The following ENPEP variants were observed in gnomAD, a reference collection of about 807,000 sequenced individuals.
ENPEP encodes the protein glutamyl aminopeptidase.
In ENPEP, 103 loss-of-function variants were observed where a neutral mutation model predicts 114.5. That is an observed-to-expected ratio of 0.90 (90% CI 0.77 to 1.06). The LOEUF is 1.06. Ranked by LOEUF, ENPEP falls within the 50% of genes least tolerant of loss-of-function variation. The pLI is 0.00. For synonymous variants in ENPEP, 420 were observed against 422.0 expected, an observed-to-expected ratio of 1.00 and a Z score of 0.06; for missense variants, 1,196 against 1,161.3, an observed-to-expected ratio of 1.03 and a Z score of -0.43.
At chr4:110,515,896 G>A (rs887111543) in intron 8 of ENPEP, 11 of 440,660 alleles carry the variant, frequency 2.5e-5, no homozygotes, top group Admixed American at 4.8e-5. Flanking sequence ...GAGAGAGAGA[G>A]AGGGAGAGAG....
chr4:110,499,387 T>G (rs1361110241), intron 3 of ENPEP, among the ~76,000 whole-genome samples: 1 of 152,230 alleles, frequency 6.6e-6, no homozygotes, highest in Non-Finnish European at 1.5e-5. Context: ...CAGCATGATA[T>G]GTGAAAACAA....
chr4:110,502,858 C>A (rs1560555924), intron 3 of ENPEP, among the ~76,000 whole-genome samples: 1 of 151,972 alleles, frequency 6.6e-6, no homozygotes, highest in Admixed American at 6.6e-5. Context: ...TTGCTTTGGG[C>A]AGTATGGCCA....
In ENPEP at chr4:110,476,689, G is replaced by T; in HGVS notation, c.275G>T (p.Arg92Leu). Residue 92 changes from arginine (R) to leucine (L), a missense_variant, in exon 1 of 20, where the codon CGA (arginine) becomes CTA (leucine). By Grantham distance (102) the Arg-to-Leu change is moderately radical. Coordinates refer to ENST00000265162, the MANE Select transcript of ENPEP (RefSeq NM_001977.4). ...GAGAGCGGACAGTGGAAAAACTTTC[G>T]ACTGCCGGACTTCGTCAACCCAGTC... Reference protein sequence around the residue: ...EDESGQWKNFRLPDFVNPVHY... With the variant: ...EDESGQWKNFLLPDFVNPVHY... 1 of 1,613,778 alleles carries T rather than the reference G, an allele frequency of 6.2e-7. No homozygotes were observed.
At chr4:110,527,350 TG>T (rs1726235590) in intron 10 of ENPEP, among the ~76,000 whole-genome samples, 1 of 152,048 alleles carries the variant, frequency 6.6e-6, no homozygotes, top group Admixed American at 6.6e-5. Context: ...TCAGAGAAAC[TG>T]GGTATCCTGC....
chr4:110,510,126 C>T, intron 5 of ENPEP, 119 bp from the exon 6 acceptor site: 1 of 805,038 alleles, frequency 1.2e-6, no homozygotes, highest in Non-Finnish European at 2.0e-6. Flanking sequence ...AAGTACAATG[C>T]CTGCCACTTC....
In ENPEP at chr4:110,561,455, C is replaced by T; in HGVS notation, c.2771C>T (p.Pro924Leu). ...KYPQAGAGEK[P>L]REQVLETVKN... ...CCACAAGCTGGAGCAGGAGAAAAAC[C>T]TAGGGAACAAGTGCTGGAAACAGTG... The change falls in exon 20 of 20, where the codon CCT (proline) becomes CTT (leucine). Residue 924 changes from proline (P) to leucine (L), a missense_variant. Coordinates refer to ENST00000265162, the MANE Select transcript of ENPEP (RefSeq NM_001977.4). 4 of 1,613,960 alleles carry T rather than the reference C, an allele frequency of 2.5e-6. No individual in the cohort carries two copies. The highest frequency in any genetic ancestry group is 3.4e-6 in the Non-Finnish European group (4 of 1,179,944).
At chr4:110,485,047 T>C (rs1358885719) in intron 1 of ENPEP, among the ~76,000 whole-genome samples, 1 of 152,074 alleles carries the variant, frequency 6.6e-6, no homozygotes, top group African/African-American at 2.4e-5. Context: ...CTGGAAGACA[T>C]CAGAAGTCAG....
Position 110,513,400 on chromosome 4 carries a change from A to G in ENPEP, c.1309-15A>G. On this transcript the variant is annotated splice_polypyrimidine_tract_variant and intron_variant, in intron 6 of 19. Transcript: ENST00000265162. Reference sequence around the variant, plus strand: ...AGGAAATACTATATTCCTTTGGCTCATTCTTTCATTTCAGCGTGACCAAAT... The same window carrying G: ...AGGAAATACTATATTCCTTTGGCTCGTTCTTTCATTTCAGCGTGACCAAAT... The G allele has an allele frequency of 6.2e-7, 1 of 1,610,148 alleles. No homozygotes were observed. Among genetic ancestry groups the G allele is most frequent in the South Asian group, 1.1e-5 (1 of 90,026 alleles).
At chr4:110,538,323 C>A (rs1726720088) in intron 11 of ENPEP, among the ~76,000 whole-genome samples, 1 of 152,194 alleles carries the variant, frequency 6.6e-6, no homozygotes, top group South Asian at 2.1e-4. Context: ...ACTTCTATAT[C>A]AACACTTGCT....
intron 3 of ENPEP, among the ~76,000 whole-genome samples, chr4:110,497,383 T>C (rs1324141918): frequency 6.6e-6 from 1 of 152,138 alleles, no homozygotes; most frequent in Admixed American, 6.5e-5. Flanking sequence ...CTGTTTAATT[T>C]AGTAAGCCAC....
At chr4:110,485,030 C>T (rs1422714969) in intron 1 of ENPEP, among the ~76,000 whole-genome samples, 4 of 152,070 alleles carry the variant, frequency 2.6e-5, no homozygotes, top group African/African-American at 9.7e-5. Flanking sequence ...TTCCTTTTCC[C>T]CTGCCTCTGG....
At chr4:110,496,900 G>C (rs930180449) in intron 3 of ENPEP, among the ~76,000 whole-genome samples, 1 of 152,188 alleles carries the variant, frequency 6.6e-6, no homozygotes, top group African/African-American at 2.4e-5. Context: ...CTCTGCTTCA[G>C]TTTACTAGTT....
intron 4 of ENPEP, among the ~76,000 whole-genome samples, chr4:110,508,738 G>A (rs567407393): frequency 1.3e-5 from 2 of 152,230 alleles, no homozygotes; most frequent in South Asian, 2.1e-4. Flanking sequence ...GTGAACCCAG[G>A]AGGCAGAGCT....
chr4:110,519,861 A>G (rs1725916025), intron 8 of ENPEP, 147 bp from the exon 9 acceptor site: 1 of 605,610 alleles, frequency 1.7e-6, no homozygotes, highest in Admixed American at 3.0e-5. Flanking sequence ...TATCAATGCA[A>G]CAGCCGTGCT....
rs34949711 is a variant in ENPEP, at chr4:110,513,416, G to A, written c.1310G>A (p.Arg437His). ...VNHAETDWQM[R>H]DQMLLEDVLP... ...CTTTGGCTCATTCTTTCATTTCAGCGTGACCAAATGTTACTTGAAGATGTA... is the reference window on the plus strand; with the variant it reads ...CTTTGGCTCATTCTTTCATTTCAGCATGACCAAATGTTACTTGAAGATGTA... Residue 437 changes from arginine to histidine, a missense_variant and splice_region_variant, in exon 7 of 20, where the codon CGT (arginine) becomes CAT (histidine). Coordinates refer to ENST00000265162, the MANE Select transcript of ENPEP (RefSeq NM_001977.4). The A allele has an allele frequency of 3.6e-3, 5,826 of 1,609,350 alleles. 19 individuals carry two copies. The highest frequency in any genetic ancestry group is 4.2e-3 in the Non-Finnish European group (4,941 of 1,177,888).
At chr4:110,545,033 A>C (rs763918086) in intron 13 of ENPEP, among the ~76,000 whole-genome samples, 1 of 152,122 alleles carries the variant, frequency 6.6e-6, no homozygotes, top group Non-Finnish European at 1.5e-5. Flanking sequence ...AAACAGATTC[A>C]ACGAGCATTG....
rs771608560 is a variant in ENPEP, at chr4:110,476,995, G to T, written c.581G>T (p.Gly194Val). Residue 194 changes from glycine (G) to valine (V), a missense_variant, in exon 1 of 20, where the codon GGC becomes GTC. Physicochemically the swap from Gly to Val is moderately radical, Grantham distance 109. Transcript: ENST00000265162. ...TATCTCCTGACCATGGAGTTCGCCG[G>T]CTGGCTGAACGGCTCCCTCGTGGGA... ...GLYLLTMEFAGWLNGSLVGFY... is the reference protein window; with the variant it reads ...GLYLLTMEFAVWLNGSLVGFY... The T allele has an allele frequency of 6.2e-7, 1 of 1,614,182 alleles. No homozygotes were observed. Among genetic ancestry groups the T allele is most frequent in the East Asian group, 2.2e-5 (1 of 44,878 alleles).
Position 110,488,565 on chromosome 4 carries a change from A to C in ENPEP, c.669A>C (p.Glu223Asp), listed in dbSNP as rs764462249. The change falls in exon 2 of 20, where the codon GAA becomes GAC. Residue 223 changes from glutamate (E) to aspartate (D), a missense_variant. Glu to Asp is a conservative substitution (Grantham distance 45). Coordinates refer to ENST00000265162, the MANE Select transcript of ENPEP (RefSeq NM_001977.4). The stretch of plus-strand genomic sequence containing the variant: ...GGAGCATAGTGGCCACCGATCATGA[A>C]CCAACAGATGCCAGGAAATCTTTTC... ...QVKSIVATDH[E>D]PTDARKSFPC... 50 of 1,613,350 alleles carry C rather than the reference A, an allele frequency of 3.1e-5. No individual in the cohort carries two copies. The highest frequency in any genetic ancestry group is 3.9e-5 in the Non-Finnish European group (46 of 1,179,762).
intron 14 of ENPEP, 141 bp downstream of exon 14, chr4:110,548,467 A>G (rs1727164203): frequency 9.9e-6 from 6 of 608,844 alleles, no homozygotes. Flanking sequence ...CAATGACTTG[A>G]CTAATCAAAG....
Sources: gnomAD v4.1 joint callset for allele counts (sites outside exome capture counted in the v4.1 genomes callset) on GRCh38, gnomAD v4.1.1 for gene constraint, MANE v1.5 for transcripts, NCBI Gene and HGNC (gene_info 2026-07-23, HGNC 2026-07-21) for gene names.